Variants in DEPTOR observed in about 807,000 individuals in gnomAD.
DEPTOR encodes the protein DEP domain-containing mTOR-interacting protein.
In DEPTOR, 41 loss-of-function variants were observed where a neutral mutation model predicts 41.6. That is an observed-to-expected ratio of 0.98 (90% CI 0.77 to 1.28). DEPTOR has a LOEUF of 1.28. Among genes scored for constraint, DEPTOR ranks in the 50% most tolerant of loss-of-function variants. The pLI is 0.00. For synonymous variants in DEPTOR, 195 were observed against 192.3 expected, an observed-to-expected ratio of 1.01 and a Z score of -0.12; for missense variants, 514 against 527.9, an observed-to-expected ratio of 0.97 and a Z score of 0.26.
rs370046948 is a variant in DEPTOR at position 119,981,225 on chromosome 8, A to T, written c.604+15815A>T. On this transcript the variant is annotated intron_variant, in intron 4 of 8. Coordinates refer to ENST00000286234, the MANE Select transcript of DEPTOR (RefSeq NM_022783.4). ...TCAAACTGTTAATGTATGGCTTCCA[A>T]ACTGAATTAACACCAAATTCTACAC... is the stretch of plus-strand genomic sequence containing the variant. 1.2e-4 allele frequency among the ~76,000 whole-genome samples: 19 copies of T among 152,308 alleles called. No homozygotes were observed. In the East Asian group the frequency reaches 3.7e-3, roughly 29 times the overall value.
chr8:120,028,452 CTTTTT>C (rs754049805), intron 8 of DEPTOR, among the ~76,000 whole-genome samples: 2 of 107,370 alleles, frequency 1.9e-5, no homozygotes, highest in African/African-American at 7.1e-5. Context: ...AGCTCCAAAT[CTTTTT>C]TTTTTTTTTT....
At chr8:120,023,110 G>A (rs917214219) in intron 8 of DEPTOR, among the ~76,000 whole-genome samples, 3 of 152,126 alleles carry the variant, frequency 2.0e-5, no homozygotes, top group East Asian at 1.9e-4. Flanking sequence ...ACAGAGGGCC[G>A]GTTTCTCACT....
chr8:119,899,997 A>G (rs1420756568), intron 1 of DEPTOR, among the ~76,000 whole-genome samples: 2 of 152,110 alleles, frequency 1.3e-5, no homozygotes, highest in Non-Finnish European at 2.9e-5. Flanking sequence ...AGTACCAGGA[A>G]TGGGTAAATA....
At chr8:119,883,240 C>T (rs184379539) in intron 1 of DEPTOR, among the ~76,000 whole-genome samples, 106 of 151,836 alleles carry the variant, frequency 7.0e-4, no homozygotes, top group African/African-American at 2.4e-3. Context: ...TTTGGGAGGC[C>T]GAGGCGGGCG....
At chr8:119,881,274 C>T (rs1827293225) in intron 1 of DEPTOR, among the ~76,000 whole-genome samples, 1 of 152,112 alleles carries the variant, frequency 6.6e-6, no homozygotes, top group South Asian at 2.1e-4. Flanking sequence ...GTAATCCTGG[C>T]ACTCTGGGAG....
intron 7 of DEPTOR, among the ~76,000 whole-genome samples, chr8:120,008,408 A>G (rs1312368533): frequency 6.6e-6 from 1 of 151,666 alleles, no homozygotes; most frequent in Non-Finnish European, 1.5e-5. Context: ...GCATGCCTGT[A>G]ATCCCAGTTA....
At chr8:119,900,380 C>CTTTTCTTTTTTTTTT (rs1827574176) in intron 1 of DEPTOR, among the ~76,000 whole-genome samples, 1 of 43,908 alleles carries the variant, frequency 2.3e-5, no homozygotes. Context: ...CACCCCTCAC[C>CTTTTCTTTTTTTTTT]TTTTTTTTTT....
intron 8 of DEPTOR, among the ~76,000 whole-genome samples, chr8:120,032,642 C>A (rs1586666858): frequency 6.6e-6 from 1 of 152,162 alleles, no homozygotes; most frequent in African/African-American, 2.4e-5. Context: ...GGGCCATCAG[C>A]TGGGGAGCAG....
intron 4 of DEPTOR, among the ~76,000 whole-genome samples, chr8:119,972,740 A>C (rs1828649801): frequency 6.6e-6 from 1 of 152,166 alleles, no homozygotes; most frequent in Non-Finnish European, 1.5e-5. Flanking sequence ...CCGCTAAAGA[A>C]GATGAGATGC....
At chr8:119,939,255 C>T (rs918936502) in intron 3 of DEPTOR, among the ~76,000 whole-genome samples, 17 of 152,182 alleles carry the variant, frequency 1.1e-4, no homozygotes, top group South Asian at 2.1e-4. Flanking sequence ...TTTGTTGGCT[C>T]GCTCATCTTC....
chr8:120,040,150 C>G (rs1813040453), intron 8 of DEPTOR, among the ~76,000 whole-genome samples: 1 of 152,056 alleles, frequency 6.6e-6, no homozygotes, highest in Non-Finnish European at 1.5e-5. Flanking sequence ...GACCTTTAGG[C>G]AAGTAATAAT....
intron 8 of DEPTOR, among the ~76,000 whole-genome samples, chr8:120,047,920 C>T (rs1489258362): frequency 1.3e-5 from 2 of 152,006 alleles, no homozygotes; most frequent in Non-Finnish European, 2.9e-5. Flanking sequence ...GTGGCACACA[C>T]CTGTAATCCC....
At position 119,917,731 on chromosome 8, in the gene DEPTOR, G is replaced by A. The variant is rs539645231; in HGVS notation, c.123-10669G>A. 1.9e-3 allele frequency among the ~76,000 whole-genome samples: 287 copies of A among 152,282 alleles called. 4 individuals carry two copies. The highest frequency in any genetic ancestry group is 1.4e-3 in the Non-Finnish European group (97 of 68,016). ...ACACCCGTAAAGGGTCTGTGCTGAG[G>A]AGGATTAGTAAAAGAGGAAGGAACG... On this transcript the variant is annotated intron_variant, in intron 1 of 8. Transcript: ENST00000286234.
At chr8:119,999,703 T>A (rs901057429) in intron 4 of DEPTOR, among the ~76,000 whole-genome samples, 1 of 152,252 alleles carries the variant, frequency 6.6e-6, no homozygotes, top group Non-Finnish European at 1.5e-5. Context: ...CATTTATTTA[T>A]GTATTAAACA....
intron 1 of DEPTOR, among the ~76,000 whole-genome samples, chr8:119,917,538 A>G (rs571410479): frequency 1.5e-3 from 227 of 152,342 alleles, no homozygotes; most frequent in African/African-American, 5.2e-3. Context: ...AAGCTCGTTA[A>G]GAGTCATCAC....
At chr8:119,967,690 G>T (rs139544137) in intron 4 of DEPTOR, among the ~76,000 whole-genome samples, 5,280 of 149,250 alleles carry the variant, frequency 0.035, 104 homozygotes, top group African/African-American at 0.052. Context: ...GGAGGTGGAG[G>T]TTGCAGTGAG....
intron 1 of DEPTOR, among the ~76,000 whole-genome samples, chr8:119,910,770 T>C (rs56688417): frequency 3.0e-3 from 457 of 152,284 alleles, no homozygotes; most frequent in African/African-American, 0.01. Context: ...CACATTCTGT[T>C]AGACATAAAA....
intron 1 of DEPTOR, among the ~76,000 whole-genome samples, chr8:119,891,823 T>C (rs1219384048): frequency 2.0e-5 from 3 of 152,196 alleles, no homozygotes; most frequent in Non-Finnish European, 4.4e-5. Context: ...AGTCATCTCT[T>C]TGTATAAGCA....
intron 6 of DEPTOR, among the ~76,000 whole-genome samples, chr8:120,003,353 C>A (rs924844688): frequency 3.9e-5 from 6 of 152,106 alleles, no homozygotes; most frequent in Non-Finnish European, 8.8e-5. Flanking sequence ...GCTGGGATGG[C>A]CCTTCCAAGT....
Sources: allele counts gnomAD v4.1 joint callset (sites outside exome capture counted in the v4.1 genomes callset), GRCh38; gene constraint gnomAD v4.1.1; transcripts MANE v1.5; gene names NCBI Gene and HGNC (gene_info 2026-07-23, HGNC 2026-07-21).